The following CD96 variants were observed in gnomAD, a reference collection of about 807,000 sequenced individuals.
The protein encoded by CD96 is T-cell surface protein tactile.
A neutral mutation model predicts 71.3 loss-of-function variants in CD96; 70 were observed. The observed-to-expected ratio is 0.98, with a 90% CI of 0.81 to 1.20. CD96 has a LOEUF of 1.20. Ranked by LOEUF, CD96 falls within the 50% of genes most tolerant of loss-of-function variation. The pLI, the probability that CD96 is intolerant of heterozygous loss-of-function variation, is 0.00. For synonymous variants in CD96, 248 were observed against 233.0 expected (o/e 1.06, Z -0.59); for missense variants, 742 against 677.5 (o/e 1.10, Z -1.06).
chr3:111,653,247 C>T (rs537486516), downstream of CD96, among the ~76,000 whole-genome samples: 10 of 152,300 alleles, frequency 6.6e-5, no homozygotes, highest in East Asian at 1.9e-4. Flanking sequence ...CCACCCAAGG[C>T]TGGTCCAGTC....
At chr3:111,597,256 A>G (rs1378080618) in intron 5 of CD96, among the ~76,000 whole-genome samples, 1 of 152,142 alleles carries the variant, frequency 6.6e-6, no homozygotes. Context: ...AGTCTCAGAT[A>G]AAACAATGGG....
intron 7 of CD96, among the ~76,000 whole-genome samples, chr3:111,602,258 A>G (rs924319784): frequency 1.3e-5 from 2 of 152,238 alleles, no homozygotes; most frequent in African/African-American, 4.8e-5. Flanking sequence ...CATTATAGGT[A>G]GAACCATGTC....
Position 111,649,732 on chromosome 3 carries a change from C to G in CD96, c.1636C>G (p.Pro546Ala). ...ERPPPFKPPP[P>A]PIKYTCIQEP... ...ACCTCCACCTTTCAAGCCACCACCACCTCCCATCAAGTACACTTGCATTCA... is the reference window on the plus strand; with the variant it reads ...ACCTCCACCTTTCAAGCCACCACCAGCTCCCATCAAGTACACTTGCATTCA... Residue 546 changes from proline (P) to alanine (A), a missense_variant, in exon 14 of 14, where the codon CCT becomes GCT. By Grantham distance (27) the Pro-to-Ala change is conservative (BLOSUM62 -1). Transcript: ENST00000352690. 3 of 1,613,998 alleles carry G rather than the reference C, an allele frequency of 1.9e-6. No homozygotes were observed. Among genetic ancestry groups the G allele is most frequent in the Non-Finnish European group, 2.5e-6 (3 of 1,179,808 alleles).
At chr3:111,616,336 G>A (rs539410944) in intron 8 of CD96, among the ~76,000 whole-genome samples, 15 of 152,182 alleles carry the variant, frequency 9.9e-5, no homozygotes, top group African/African-American at 1.2e-4. Context: ...ACAAAGGAAG[G>A]CTTTAGGGAA....
chr3:111,556,214 T>A (rs1190140735), intron 2 of CD96, among the ~76,000 whole-genome samples: 7 of 152,242 alleles, frequency 4.6e-5, no homozygotes, highest in Non-Finnish European at 7.3e-5. Flanking sequence ...TTCTTTTTTT[T>A]TTATTATACT....
rs68001026 is a variant in CD96, at chr3:111,618,845, AC to A, written c.1181-4908del. ...CTCAACCTCCCAAAGTGCTGGGATT[AC>A]AGGCATGAGCCACTGCGCCCGGCCT... On this transcript the variant is annotated intron_variant, in intron 8 of 13. Transcript: ENST00000352690. 8.7e-3 allele frequency among the ~76,000 whole-genome samples: 1,324 copies of A among 152,220 alleles called. 19 individuals are homozygous for A. Among genetic ancestry groups the A allele is most frequent in the African/African-American group, 0.03 (1,253 of 41,536 alleles).
chr3:111,545,053 G>C lies in CD96; in HGVS notation c.69G>C (p.Trp23Cys), dbSNP rs1231092545. ...IIQIHFVKGV[W>C]EKTVNTEENV... ...CATGTTCTTTCTTTTCAGGAGTTTG[G>C]GAAAAAACAGTCAACACAGAAGAAA... Residue 23 changes from tryptophan (W) to cysteine (C), a missense_variant, in exon 2 of 14, where the codon TGG (tryptophan) becomes TGC (cysteine). Coordinates refer to ENST00000352690, the MANE Select transcript of CD96 (RefSeq NM_005816.5). The C allele has an allele frequency of 6.2e-7, 1 of 1,613,518 alleles. No homozygotes were observed. Among genetic ancestry groups the C allele is most frequent in the Non-Finnish European group, 8.5e-7 (1 of 1,179,686 alleles).
chr3:111,655,528 G>A (rs1222235262), downstream of CD96, among the ~76,000 whole-genome samples: 1 of 152,136 alleles, frequency 6.6e-6, no homozygotes, highest in Non-Finnish European at 1.5e-5. Context: ...AAAGGCTTCA[G>A]AAAGGAGGCT....
chr3:111,576,391 A>G (rs1936223278), intron 3 of CD96, among the ~76,000 whole-genome samples: 1 of 152,190 alleles, frequency 6.6e-6, no homozygotes, highest in Non-Finnish European at 1.5e-5. Context: ...TATGTCATAC[A>G]AAGGCCCCTT....
intron 2 of CD96, among the ~76,000 whole-genome samples, chr3:111,560,363 T>G (rs980749234): frequency 1.2e-4 from 18 of 151,894 alleles, no homozygotes; most frequent in Non-Finnish European, 2.6e-4. Context: ...TTCCTTTCCA[T>G]GTTTAGCGCT....
At chr3:111,611,602 GC>G (rs1256915940) in intron 8 of CD96, among the ~76,000 whole-genome samples, 2 of 152,074 alleles carry the variant, frequency 1.3e-5, no homozygotes, top group African/African-American at 4.8e-5. Flanking sequence ...AATAGTTTCT[GC>G]CTTTATCAAC....
chr3:111,590,611 T>A (rs1023331310), intron 5 of CD96, among the ~76,000 whole-genome samples: 1 of 152,242 alleles, frequency 6.6e-6, no homozygotes, highest in Non-Finnish European at 1.5e-5. Flanking sequence ...GAATGTTGTA[T>A]CTTATGCATT....
intron 2 of CD96, among the ~76,000 whole-genome samples, chr3:111,556,794 T>G (rs1576311646): frequency 6.6e-6 from 1 of 152,030 alleles, no homozygotes; most frequent in Non-Finnish European, 1.5e-5. Context: ...ACTTCCATAA[T>G]GGTGGAACTA....
At chr3:111,602,264 A>ATAT (rs1310429475) in intron 7 of CD96, among the ~76,000 whole-genome samples, 1 of 152,208 alleles carries the variant, frequency 6.6e-6, no homozygotes, top group Non-Finnish European at 1.5e-5. Context: ...AGGTAGAACC[A>ATAT]TGTCTGTAAA....
chr3:111,629,681 G>A (rs1938960369), intron 10 of CD96, among the ~76,000 whole-genome samples: 1 of 152,136 alleles, frequency 6.6e-6, no homozygotes, highest in Non-Finnish European at 1.5e-5. Flanking sequence ...GATATCTACA[G>A]AACTCTTTAC....
At chr3:111,600,644 T>G in intron 6 of CD96, 82 bp from the exon 7 acceptor site, 1 of 1,055,016 alleles carries the variant, frequency 9.5e-7, no homozygotes, top group South Asian at 1.3e-5. Context: ...TTACCACAAA[T>G]TGATCATGCC....
chr3:111,570,936 T>C, intron 3 of CD96: 1 of 1,568,470 alleles, frequency 6.4e-7, no homozygotes, highest in South Asian at 1.1e-5. Context: ...AGCGTCAAAG[T>C]AGGGGGTCTT....
At chr3:111,543,621 C>T (rs1934223565) in intron 1 of CD96, among the ~76,000 whole-genome samples, 1 of 152,118 alleles carries the variant, frequency 6.6e-6, no homozygotes, top group African/African-American at 2.4e-5. Context: ...TAATAGTTAA[C>T]ATTAAGTATA....
chr3:111,581,089 A>G (rs1267299469), intron 4 of CD96, among the ~76,000 whole-genome samples: 13 of 152,042 alleles, frequency 8.6e-5, no homozygotes, highest in Non-Finnish European at 1.6e-4. Flanking sequence ...TCAGCCTTCT[A>G]TATCTCATTT....
Sources: allele counts gnomAD v4.1 joint callset (sites outside exome capture counted in the v4.1 genomes callset), GRCh38; gene constraint gnomAD v4.1.1; transcripts MANE v1.5; gene names NCBI Gene and HGNC (gene_info 2026-07-23, HGNC 2026-07-21).